Variants in ERCC6 observed in about 807,000 individuals in gnomAD.
The protein encoded by ERCC6 is DNA excision repair protein ERCC-6.
ERCC6 carries 116 observed loss-of-function variants against 158.7 expected under a neutral mutation model. The ratio of observed to expected loss-of-function variants is 0.73; its 90% CI spans 0.63 to 0.85. ERCC6 has a LOEUF of 0.85. ERCC6 is among the 40% of genes least tolerant of loss of function. The pLI is 0.00. For synonymous variants in ERCC6, 678 were observed against 659.3 expected, an observed-to-expected ratio of 1.03 and a Z score of -0.43; for missense variants, 1,698 against 1,799.4, an observed-to-expected ratio of 0.94 and a Z score of 1.02.
chr10:49,477,486 C>A (rs899652831), intron 11 of ERCC6, among the ~76,000 whole-genome samples: 1 of 152,172 alleles, frequency 6.6e-6, no homozygotes, highest in Non-Finnish European at 1.5e-5. Flanking sequence ...AAGCCCGCAC[C>A]CAGAGCAAGC....
At position 49,472,405 on chromosome 10, in the gene ERCC6, C is replaced by G; in HGVS notation, c.2895G>C (p.Ala965=). The change falls in exon 16 of 21, where the codon GCG becomes GCC. Residue 965 remains alanine (A), a synonymous_variant. Coordinates refer to ENST00000355832, the MANE Select transcript of ERCC6 (RefSeq NM_000124.4). ...GGTAGATCTTTTCTTCAATGGTGCC[C>G]GCAGTCAGGAGCCTGTACACAGTCA... The part of the protein sequence containing the change: ...KQVTVYRLLT[A]GTIEEKIYHR... 1 of 1,614,076 alleles carries G rather than the reference C, an allele frequency of 6.2e-7. No homozygotes were observed. The highest frequency in any genetic ancestry group is 1.7e-5 in the Admixed American group (1 of 60,012).
rs751703364 is a variant in ERCC6 at position 49,474,233 on chromosome 10, C to T, written c.2392G>A (p.Gly798Arg). 24 of 1,613,520 alleles carry T rather than the reference C, an allele frequency of 1.5e-5. No homozygotes were observed. Among genetic ancestry groups the T allele is most frequent in the Middle Eastern group, 1.6e-4 (1 of 6,082 alleles). The part of the protein sequence containing the change: ...ILNGEMQIFS[G>R]LIALRKICNH... ...CAAATTTTTCTTAGGGCTATAAGTC[C>T]GGAGAAAATCTGTGGTAAGAAAGAG... is the stretch of plus-strand genomic sequence containing the variant. The change falls in exon 13 of 21, where the codon GGA becomes AGA. Residue 798 changes from glycine (G) to arginine (R), a missense_variant. Physicochemically the swap from Gly to Arg is moderately radical, Grantham distance 125. Coordinates refer to ENST00000355832, the MANE Select transcript of ERCC6 (RefSeq NM_000124.4).
intron 18 of ERCC6, among the ~76,000 whole-genome samples, chr10:49,467,844 C>T (rs1274455297): frequency 1.3e-5 from 2 of 152,100 alleles, no homozygotes; most frequent in African/African-American, 2.4e-5. Context: ...ACTGGGATTA[C>T]AGGCTGAGCC....
chr10:49,483,073 G>A (rs1851008642), intron 9 of ERCC6, among the ~76,000 whole-genome samples: 1 of 151,986 alleles, frequency 6.6e-6, no homozygotes, highest in Non-Finnish European at 1.5e-5. Flanking sequence ...TCTTATTGTT[G>A]AAGCTGAATA....
chr10:49,532,939 G>A lies in ERCC6; in HGVS notation c.26C>T (p.Ser9Leu). 6.2e-7 allele frequency: 1 copy of A among 1,614,214 alleles called. No individual in the cohort carries two copies. The change falls in exon 2 of 21, where the codon TCA becomes TTA. Residue 9 changes from serine (S) to leucine (L), a missense_variant. Physicochemically the swap from Ser to Leu is moderately radical, Grantham distance 145. Transcript: ENST00000355832. The part of the protein sequence containing the change: MPNEGIPH[S>L]SQTQEQDCLQ... ...ACAGTCTTGCTCCTGAGTTTGACTT[G>A]AGTGGGGGATTCCCTCATTTGGCAT...
intron 8 of ERCC6, among the ~76,000 whole-genome samples, chr10:49,491,006 CA>C (rs1337208690): frequency 3.9e-5 from 6 of 152,164 alleles, no homozygotes; most frequent in Non-Finnish European, 8.8e-5. Context: ...TAATTTAACA[CA>C]CGTGTAAGCC....
At chr10:49,508,751 T>C (rs938285994) in intron 5 of ERCC6, among the ~76,000 whole-genome samples, 2 of 152,140 alleles carry the variant, frequency 1.3e-5, no homozygotes, top group African/African-American at 4.8e-5. Flanking sequence ...GTAGCCAAAA[T>C]AGACCTGACC....
At chr10:49,469,725 T>C (rs1312660732) in intron 18 of ERCC6, among the ~76,000 whole-genome samples, 2 of 152,180 alleles carry the variant, frequency 1.3e-5, no homozygotes, top group Non-Finnish European at 2.9e-5. Context: ...TCTTGAGCAA[T>C]TGTTGAGTCT....
intron 5 of ERCC6, among the ~76,000 whole-genome samples, chr10:49,511,031 G>A (rs1022165368): frequency 2.0e-5 from 3 of 151,688 alleles, no homozygotes; most frequent in Non-Finnish European, 2.9e-5. Flanking sequence ...AAAAGATAAG[G>A]AGAAGGAAAG....
chr10:49,516,604 C>T (rs770483383), intron 5 of ERCC6: 2 of 1,614,094 alleles, frequency 1.2e-6, no homozygotes, highest in Non-Finnish European at 1.7e-6. Context: ...CCAAGATGTA[C>T]ACCTTTACTG....
At position 49,537,487 on chromosome 10, in the gene ERCC6, C is replaced by CTATA. The variant is rs200156549; in HGVS notation, c.-15+1471_-15+1474dup. Among the ~76,000 whole-genome samples the CTATA allele has an allele frequency of 1.8e-3, 266 of 145,160 alleles. 2 individuals carry two copies. The highest frequency in any genetic ancestry group is 0.016 in the East Asian group (83 of 5,052). ...CATGGGAAAAACAGACATTTAAAAA[C>CTATA]TATATATATATATATACACATACAC... On this transcript the variant is annotated intron_variant, in intron 1 of 20. Transcript: ENST00000355832.
chr10:49,485,803 A>G (rs1371174031), intron 8 of ERCC6, among the ~76,000 whole-genome samples: 1 of 152,252 alleles, frequency 6.6e-6, no homozygotes, highest in Non-Finnish European at 1.5e-5. Context: ...AGCAAAAATC[A>G]GGACAATATA....
At position 49,524,360 on chromosome 10, in the gene ERCC6, G is replaced by A; in HGVS notation, c.1070C>T (p.Ser357Leu). 1 of 1,614,104 alleles carries A rather than the reference G, an allele frequency of 6.2e-7. No homozygotes were observed. The highest frequency in any genetic ancestry group is 8.5e-7 in the Non-Finnish European group (1 of 1,180,036). The change falls in exon 5 of 21, where the codon TCA becomes TTA. Residue 357 changes from serine (S) to leucine (L), a missense_variant. By Grantham distance (145) the Ser-to-Leu change is moderately radical. Coordinates refer to ENST00000355832, the MANE Select transcript of ERCC6 (RefSeq NM_000124.4). ...GLPKARRPWE[S>L]DMRPEAEGDS... is the part of the protein sequence containing the mutation. The stretch of plus-strand genomic sequence containing the variant: ...TCCCTCTGCCTCTGGCCTCATGTCT[G>A]ACTCCCAAGGTCTCCTTGCCTTTGG...
At chr10:49,449,752 A>T (rs913718560), downstream of ERCC6, among the ~76,000 whole-genome samples, 4 of 151,914 alleles carry the variant, frequency 2.6e-5, no homozygotes, top group Non-Finnish European at 5.9e-5. Context: ...GGGTTTCACC[A>T]TATTGACCAG....
In ERCC6 at chr10:49,461,573, T is replaced by G; in HGVS notation, c.3779-17A>C. 6.2e-7 allele frequency: 1 copy of G among 1,605,546 alleles called. No homozygotes were observed. Among genetic ancestry groups the G allele is most frequent in the Non-Finnish European group, 8.5e-7 (1 of 1,175,372 alleles). On this transcript the variant is annotated splice_polypyrimidine_tract_variant and intron_variant, in intron 18 of 20. Coordinates refer to ENST00000355832, the MANE Select transcript of ERCC6 (RefSeq NM_000124.4). ...GCACGCCAACTAGCAAGAAAAGAAA[T>G]AGCAAAGTGATATTTCACTCTGTAT...
chr10:49,472,029 T>C (rs1203973684), intron 16 of ERCC6, among the ~76,000 whole-genome samples: 4 of 152,238 alleles, frequency 2.6e-5, no homozygotes, highest in Admixed American at 6.5e-5. Context: ...AACACCAATA[T>C]GGTAACATTC....
At chr10:49,529,663 C>T (rs1004675672) in intron 3 of ERCC6, among the ~76,000 whole-genome samples, 2 of 152,058 alleles carry the variant, frequency 1.3e-5, no homozygotes, top group African/African-American at 4.8e-5. Flanking sequence ...AGGAGGGCCA[C>T]GTGAACTGAA....
chr10:49,515,627 T>C (rs769154645), intron 5 of ERCC6: 5 of 1,614,124 alleles, frequency 3.1e-6, no homozygotes, highest in South Asian at 2.2e-5. Flanking sequence ...GCCAAGCATT[T>C]TGTAAGACCA....
At chr10:49,505,659 T>C (rs1240519757) in intron 6 of ERCC6, 1 of 563,018 alleles carries the variant, frequency 1.8e-6, no homozygotes, top group Admixed American at 3.2e-5. Context: ...CCATATAGAT[T>C]CATCAGTTTA....
Sources: allele counts gnomAD v4.1 joint callset (sites outside exome capture counted in the v4.1 genomes callset), GRCh38; gene constraint gnomAD v4.1.1; transcripts MANE v1.5; gene names NCBI Gene and HGNC (gene_info 2026-07-23, HGNC 2026-07-21).